Variants in CDC42BPB observed in about 807,000 individuals in gnomAD.
CDC42BPB encodes the protein CDC42 binding protein kinase beta, also known as serine/threonine-protein kinase MRCK beta.
Under a neutral mutation model 214.9 loss-of-function variants are expected in CDC42BPB, and 37 were observed. That is an observed-to-expected ratio of 0.17 (90% CI 0.13 to 0.23). CDC42BPB has a LOEUF of 0.23. CDC42BPB is among the 10% of genes least tolerant of loss of function. The pLI is 1.00. For missense variants in CDC42BPB, 1,694 were observed against 2,227.0 expected, an observed-to-expected ratio of 0.76 and a Z score of 4.82; for synonymous variants, 931 against 884.0, an observed-to-expected ratio of 1.05 and a Z score of -0.94.
intron 26 of CDC42BPB, among the ~76,000 whole-genome samples, 174 bp downstream of exon 26, chr14:102,949,591 C>T (rs545606693): frequency 2.0e-4 from 31 of 152,160 alleles, no homozygotes; most frequent in Non-Finnish European, 3.8e-4. Context: ...TCTGTTCATA[C>T]GCATGTGAGC....
At chr14:103,049,719 T>TA (rs1888502700) in intron 1 of CDC42BPB, among the ~76,000 whole-genome samples, 2 of 152,224 alleles carry the variant, frequency 1.3e-5, no homozygotes, top group Non-Finnish European at 2.9e-5. Context: ...CCTTAACTTT[T>TA]TTTATTTATT....
At chr14:103,047,900 GT>G (rs1888383225) in intron 1 of CDC42BPB, among the ~76,000 whole-genome samples, 1 of 63,436 alleles carries the variant, frequency 1.6e-5, no homozygotes. Context: ...AAGACTCTGT[GT>G]CCAAAAAAAA....
intron 36 of CDC42BPB, chr14:102,934,275 C>T (rs1382308577): frequency 6.3e-6 from 1 of 159,182 alleles, no homozygotes; most frequent in East Asian, 1.9e-4. Flanking sequence ...TGGCTTACGC[C>T]TGTAATCCCA....
chr14:102,933,651 T>C lies in CDC42BPB; in HGVS notation c.*61A>G. ...GGACAACACTGGAGGGCCCGCTCAG[T>C]CTTGGCACTGACGCTGGAGGCCATC... On this transcript the variant is annotated 3_prime_UTR_variant, in exon 37 of 37. Transcript: ENST00000361246. 1 of 1,341,044 alleles carries C rather than the reference T, an allele frequency of 7.5e-7. No homozygotes were observed. Among genetic ancestry groups the C allele is most frequent in the South Asian group, 1.8e-5 (1 of 56,106 alleles). 83.1% of individuals were successfully genotyped at this position (1,341,044 alleles called of 1,614,324 possible).
At chr14:103,024,586 T>C (rs1293977563) in intron 1 of CDC42BPB, among the ~76,000 whole-genome samples, 1 of 152,212 alleles carries the variant, frequency 6.6e-6, no homozygotes, top group African/African-American at 2.4e-5. Context: ...ACTCTTAGGA[T>C]TAATTCAAGC....
intron 34 of CDC42BPB, 70 bp from the exon 35 acceptor site, chr14:102,938,481 A>G (rs1891741708): frequency 2.0e-6 from 3 of 1,498,264 alleles, no homozygotes; most frequent in East Asian, 4.6e-5. Flanking sequence ...AAGTTTGTGC[A>G]ACCTACGGTG....
chr14:103,056,173 A>C (rs1888935783), intron 1 of CDC42BPB, among the ~76,000 whole-genome samples: 2 of 152,250 alleles, frequency 1.3e-5, no homozygotes, highest in African/African-American at 4.8e-5. Context: ...ATCCGGAACG[A>C]ACTAGAGAAG....
intron 28 of CDC42BPB, 41 bp from the exon 29 acceptor site, chr14:102,945,765 G>C: frequency 6.3e-7 from 1 of 1,578,920 alleles, no homozygotes; most frequent in South Asian, 1.1e-5. Flanking sequence ...CAGTACAGCC[G>C]ACCGTGAACA....
rs1304144474 is a variant in CDC42BPB, at chr14:103,001,985, T to C, written c.447+1943A>G. Among the ~76,000 whole-genome samples, 1 of 152,220 alleles carries C rather than the reference T, an allele frequency of 6.6e-6. No homozygotes were observed. Among genetic ancestry groups the C allele is most frequent in the Non-Finnish European group, 1.5e-5 (1 of 68,036 alleles). On this transcript the variant is annotated intron_variant, in intron 4 of 36. Coordinates refer to ENST00000361246, the MANE Select transcript of CDC42BPB (RefSeq NM_006035.4). This position sits in a 1 kb window ranked among gnomAD's most constrained non-coding sequence, Gnocchi z 5.8. The stretch of plus-strand genomic sequence containing the variant: ...AATGAGAATCAGACCTAGTCTGTCC[T>C]GTCACAGAACGCGGGGTGCTGAGTT...
chr14:103,002,641 A>G lies in CDC42BPB; in HGVS notation c.447+1287T>C, dbSNP rs569330286. Among the ~76,000 whole-genome samples the G allele has an allele frequency of 3.3e-5, 5 of 152,210 alleles. No homozygotes were observed. In the South Asian group the frequency reaches 8.3e-4, roughly 25 times the overall value. On this transcript the variant is annotated intron_variant, in intron 4 of 36. Coordinates refer to ENST00000361246, the MANE Select transcript of CDC42BPB (RefSeq NM_006035.4). The stretch of plus-strand genomic sequence containing the variant: ...GGGGTTTATGTGGAGGTGGCCCCAG[A>G]GCAGGGGATCCGGAACCTGCTCGCC...
At chr14:102,978,250 A>G in intron 8 of CDC42BPB, 45 bp from the exon 9 acceptor site, 1 of 1,604,348 alleles carries the variant, frequency 6.2e-7, no homozygotes, top group South Asian at 1.1e-5. Flanking sequence ...ACATTCAAAC[A>G]AACAGGTAAA....
At chr14:102,980,255 G>T (rs1051154275) in intron 8 of CDC42BPB, among the ~76,000 whole-genome samples, 1 of 152,240 alleles carries the variant, frequency 6.6e-6, no homozygotes, top group Non-Finnish European at 1.5e-5. Flanking sequence ...AGCACTTTGG[G>T]AGGCAGAGGT....
Position 103,004,950 on chromosome 14 carries a change from G to A in CDC42BPB, c.352-927C>T, listed in dbSNP as rs952134831. 1.3e-5 allele frequency among the ~76,000 whole-genome samples: 2 copies of A among 151,738 alleles called. No homozygotes were observed. Among genetic ancestry groups the A allele is most frequent in the Non-Finnish European group, 2.9e-5 (2 of 67,934 alleles). ...TGGGAGGCCGAGGTGGGTGGATCAC[G>A]AGGTCAGGAGATCAAGACCATCCTG... On this transcript the variant is annotated intron_variant, in intron 3 of 36. Transcript: ENST00000361246. This position sits in a 1 kb window ranked among gnomAD's most constrained non-coding sequence, Gnocchi z 5.3.
rs371638840 is a variant in CDC42BPB, at chr14:102,933,763, G to A, written c.5085C>T (p.His1695=). ...GGCCTTCGAGGGGGAGCTGGCTCCT[G>A]TGGGGGGAGTTGGGGCTCGGTGGGC... ...PSGPPSPNSP[H]RSQLPLEGLE... Residue 1695 remains histidine, a synonymous_variant, in exon 37 of 37, where the codon CAC becomes CAT. Transcript: ENST00000361246. 1.3e-5 allele frequency: 20 copies of A among 1,500,870 alleles called. No homozygotes were observed. The African/African-American group carries it at 1.8e-4, about 13-fold the overall frequency. The allele number at this position is 1,500,870 out of a possible 1,614,324, so 93.0% of individuals were successfully genotyped here.
Position 102,983,495 on chromosome 14 carries a change from G to A in CDC42BPB, c.891+61C>T, listed in dbSNP as rs1595493256. 8.2e-6 allele frequency: 13 copies of A among 1,589,782 alleles called. No individual in the cohort carries two copies. The East Asian group carries it at 2.9e-4, about 35-fold the overall frequency. On this transcript the variant is annotated intron_variant, in intron 7 of 36. Coordinates refer to ENST00000361246, the MANE Select transcript of CDC42BPB (RefSeq NM_006035.4). ...TAACGGATCTTCCTGCACTAGTTGT[G>A]CTCTCTGTACTTTAGGCCTGAGCCA...
chr14:102,973,772 T>C (rs913170598), intron 12 of CDC42BPB, among the ~76,000 whole-genome samples: 1 of 152,098 alleles, frequency 6.6e-6, no homozygotes, highest in Non-Finnish European at 1.5e-5. Context: ...GGATAACCGC[T>C]GGGGGCAAGG....
At chr14:103,053,911 G>C (rs1888797713) in intron 1 of CDC42BPB, among the ~76,000 whole-genome samples, 1 of 152,050 alleles carries the variant, frequency 6.6e-6, no homozygotes, top group Non-Finnish European at 1.5e-5. Context: ...CATGATCATT[G>C]CTCATTGCAG....
intron 1 of CDC42BPB, among the ~76,000 whole-genome samples, chr14:103,047,279 CAAAAAAAAA>C (rs397852207): frequency 1.1e-5 from 1 of 93,504 alleles, no homozygotes; most frequent in Non-Finnish European, 2.2e-5. Flanking sequence ...GTAATACTCT[CAAAAAAAAA>C]AAAAAAAAAA....
chr14:102,987,291 CT>C (rs1381768305), intron 5 of CDC42BPB, among the ~76,000 whole-genome samples: 7 of 152,260 alleles, frequency 4.6e-5, no homozygotes, highest in East Asian at 1.9e-4. Flanking sequence ...TTCTAAACTA[CT>C]TTCTGTGCGC....
Sources: gnomAD v4.1 joint callset for allele counts (sites outside exome capture counted in the v4.1 genomes callset) on GRCh38, gnomAD v4.1.1 for gene constraint, Gnocchi (gnomAD v3.1) non-coding constraint, MANE v1.5 for transcripts, NCBI Gene and HGNC (gene_info 2026-07-23, HGNC 2026-07-21) for gene names.